Variants in GPM6B observed in about 807,000 individuals in gnomAD.
GPM6B encodes the protein glycoprotein M6B, also known as neuronal membrane glycoprotein M6-b.
GPM6B carries 4 observed loss-of-function variants against 27.2 expected under a neutral mutation model. The ratio of observed to expected loss-of-function variants is 0.15; its 90% CI spans 0.07 to 0.34. The LOEUF is 0.34. Ranked by LOEUF, GPM6B falls within the 10% of genes least tolerant of loss-of-function variation. GPM6B has a pLI of 1.00. For missense variants in GPM6B, 183 were observed against 261.9 expected (o/e 0.70, Z 2.08); for synonymous variants, 124 against 103.1 (o/e 1.20, Z -1.23).
chrX:13,878,776 G>A (rs773664277), intron 1 of GPM6B, among the ~76,000 whole-genome samples: 2 of 112,152 alleles, frequency 1.8e-5, no homozygotes, highest in Non-Finnish European at 3.8e-5. Flanking sequence ...TAGACCCAAC[G>A]TTATCACAGG....
intron 3 of GPM6B, among the ~76,000 whole-genome samples, chrX:13,785,000 T>C (rs1415373846): frequency 9.0e-6 from 1 of 111,500 alleles, no homozygotes; most frequent in Non-Finnish European, 1.9e-5. Context: ...AACAACACAA[T>C]TCTGTTGAGA....
chrX:13,772,744 C>T lies in GPM6B; in HGVS notation c.*137G>A. 2.0e-6 allele frequency: 1 copy of T among 504,573 alleles called. No homozygotes were observed. The highest frequency in any genetic ancestry group is 3.1e-6 in the Non-Finnish European group (1 of 320,715). The allele number at this position is 504,573 out of a possible 1,213,427, so 41.6% of individuals were successfully genotyped here. ...CTGGAAGGTTTTCCTAGAGATACAT[C>T]CCAGCAGCTTGAGACAGACAGTGAA... On this transcript the variant is annotated 3_prime_UTR_variant, in exon 8 of 8. Coordinates refer to ENST00000316715, the MANE Select transcript of GPM6B (RefSeq NM_001001995.3).
chrX:13,832,668 G>T (rs556654000), intron 1 of GPM6B, among the ~76,000 whole-genome samples: 75 of 111,868 alleles, frequency 6.7e-4, no homozygotes, highest in South Asian at 1.5e-3. Flanking sequence ...GCAATCTTCT[G>T]TTCAATTGTC....
chrX:13,903,338 G>A (rs779542476), intron 1 of GPM6B, among the ~76,000 whole-genome samples: 8 of 112,000 alleles, frequency 7.1e-5, no homozygotes, highest in African/African-American at 2.6e-4. Context: ...CTGAGCATTT[G>A]CCATGCACCA....
chrX:13,931,624 T>C (rs1481516069), intron 1 of GPM6B, among the ~76,000 whole-genome samples: 2 of 112,352 alleles, frequency 1.8e-5, no homozygotes, highest in African/African-American at 6.5e-5. Context: ...CCAATATCTT[T>C]CCATCCCAGA....
rs918844195 is a variant in GPM6B at position 13,788,693 on chromosome X, G to A, written c.182-2885C>T. ...CAAATCCACAGTTGCCACTTCAAAC[G>A]GTCTTTCATCCAAATGGTTAGAGCA... On this transcript the variant is annotated intron_variant, in intron 2 of 7. Coordinates refer to ENST00000316715, the MANE Select transcript of GPM6B (RefSeq NM_001001995.3). 3.6e-5 allele frequency among the ~76,000 whole-genome samples: 4 copies of A among 109,845 alleles called. No individual in the cohort carries two copies. The East Asian group carries it at 8.5e-4, about 23-fold the overall frequency.
chrX:13,783,075 A>G (rs745370623), intron 4 of GPM6B, among the ~76,000 whole-genome samples: 2 of 112,193 alleles, frequency 1.8e-5, no homozygotes, highest in Admixed American at 9.4e-5. Flanking sequence ...CATGAAAGTT[A>G]CCTCCTTCTA....
chrX:13,801,593 A>G (rs2048922095), intron 2 of GPM6B, among the ~76,000 whole-genome samples: 1 of 112,133 alleles, frequency 8.9e-6, no homozygotes, highest in Non-Finnish European at 1.9e-5. Context: ...AGCCACAGAC[A>G]ATCAAATGGG....
At chrX:13,849,577 G>A (rs2038214537) in intron 1 of GPM6B, among the ~76,000 whole-genome samples, 1 of 112,421 alleles carries the variant, frequency 8.9e-6, no homozygotes, top group African/African-American at 3.2e-5. Context: ...TTAGCATAAT[G>A]TTAAGACAAT....
At chrX:13,886,039 C>G (rs1049074840) in intron 1 of GPM6B, among the ~76,000 whole-genome samples, 1 of 112,395 alleles carries the variant, frequency 8.9e-6, no homozygotes, top group African/African-American at 3.2e-5. Flanking sequence ...TTGCGATATA[C>G]TTGTAATATG....
intron 1 of GPM6B, among the ~76,000 whole-genome samples, chrX:13,874,696 T>C (rs1456506414): frequency 2.7e-5 from 3 of 110,293 alleles, no homozygotes; most frequent in Non-Finnish European, 5.7e-5. Context: ...GGTGACAGAG[T>C]AAGACTCCAT....
Position 13,912,880 on chromosome X carries a change from T to C in GPM6B, c.-198+25447A>G, listed in dbSNP as rs754358975. On this transcript the variant is annotated intron_variant, in intron 1 of 6. Transcript: ENST00000398361. Reference sequence around the variant, plus strand: ...GGAAGAAAATTACAAATTTCCAGTTTGTTTATTTTGTTTCCGTATCTTGGC... The same window carrying C: ...GGAAGAAAATTACAAATTTCCAGTTCGTTTATTTTGTTTCCGTATCTTGGC... Among the ~76,000 whole-genome samples, 3 of 112,397 alleles carry C rather than the reference T, an allele frequency of 2.7e-5. No homozygotes were observed. The East Asian group carries it at 8.4e-4, about 31-fold the overall frequency.
At chrX:13,850,879 C>T (rs1341589230) in intron 1 of GPM6B, among the ~76,000 whole-genome samples, 1 of 111,224 alleles carries the variant, frequency 9.0e-6, no homozygotes, top group African/African-American at 3.3e-5. Flanking sequence ...AAAAGTTAAT[C>T]TAGGCCAGGC....
chrX:13,864,229 G>A (rs1286167394), intron 1 of GPM6B, among the ~76,000 whole-genome samples: 5 of 112,971 alleles, frequency 4.4e-5, no homozygotes, highest in African/African-American at 1.6e-4. Flanking sequence ...AGGACATGCA[G>A]AATAATGTAA....
chrX:13,930,434 G>A (rs758097402), intron 1 of GPM6B, among the ~76,000 whole-genome samples: 6 of 111,211 alleles, frequency 5.4e-5, no homozygotes, highest in East Asian at 2.8e-4. Context: ...CTAACACGGT[G>A]AAACCCCGTC....
chrX:13,783,611 A>T lies in GPM6B; in HGVS notation c.369-90T>A, dbSNP rs141488386. ...ACGCTGGAGAGAGGACATGAGGGGG[A>T]TGTTCCTGTGAGTGCGTCACTCGCC... On this transcript the variant is annotated intron_variant, in intron 3 of 7. Transcript: ENST00000316715. The T allele has an allele frequency of 1.5e-3, 1,202 of 780,902 alleles. 6 individuals carry two copies. The African/African-American group carries it at 0.023, about 15-fold the overall frequency. 64.4% of individuals were successfully genotyped at this position (780,902 alleles called of 1,213,427 possible).
At chrX:13,807,087 C>G (rs1355763652) in intron 2 of GPM6B, among the ~76,000 whole-genome samples, 2 of 112,333 alleles carry the variant, frequency 1.8e-5, no homozygotes, top group Non-Finnish European at 3.8e-5. Context: ...AAAATGGAAA[C>G]CGGACCCACT....
intron 2 of GPM6B, among the ~76,000 whole-genome samples, chrX:13,796,683 G>A (rs973781945): frequency 8.9e-6 from 1 of 112,236 alleles, no homozygotes; most frequent in Non-Finnish European, 1.9e-5. Context: ...TCACTTTTTG[G>A]CAGGTCCTTT....
intron 1 of GPM6B, among the ~76,000 whole-genome samples, chrX:13,928,968 A>G (rs1207224625): frequency 8.9e-6 from 1 of 111,876 alleles, no homozygotes. Flanking sequence ...ATCTCTAAAC[A>G]AGGGGGAAAT....
Sources: gnomAD v4.1 joint callset for allele counts (sites outside exome capture counted in the v4.1 genomes callset) on GRCh38, gnomAD v4.1.1 for gene constraint, MANE v1.5 for transcripts, NCBI Gene and HGNC (gene_info 2026-07-23, HGNC 2026-07-21) for gene names.